RBM19: variants seen among roughly 807,000 people sequenced by gnomAD.
RBM19 encodes RNA binding motif protein 19, also known as probable RNA-binding protein 19.
In RBM19, 94 loss-of-function variants were observed where a neutral mutation model predicts 116.8. The ratio of observed to expected loss-of-function variants is 0.80; its 90% CI spans 0.68 to 0.95. The LOEUF is 0.95. Among genes scored for constraint, RBM19 ranks in the 40% least tolerant of loss-of-function variants. The pLI is 0.00. For synonymous variants in RBM19, 475 were observed against 494.1 expected (o/e 0.96, Z 0.51); for missense variants, 1,161 against 1,220.7 (o/e 0.95, Z 0.73).
At chr12:113,832,659 T>C (rs1394057068) in intron 23 of RBM19, among the ~76,000 whole-genome samples, 1 of 152,074 alleles carries the variant, frequency 6.6e-6, no homozygotes, top group Non-Finnish European at 1.5e-5. Context: ...GCTGCTACAG[T>C]CAAGTCTTCA....
chr12:113,833,742 T>G (rs1017796947), intron 23 of RBM19, among the ~76,000 whole-genome samples: 1 of 152,196 alleles, frequency 6.6e-6, no homozygotes, highest in African/African-American at 2.4e-5. Context: ...TATCCTTTCT[T>G]TTCTTTTCGT....
At chr12:113,935,223 G>T (rs1010149918) in intron 16 of RBM19, among the ~76,000 whole-genome samples, 3 of 152,084 alleles carry the variant, frequency 2.0e-5, no homozygotes, top group African/African-American at 7.2e-5. Context: ...CCAAGGCTGC[G>T]GGAAGAGGCC....
chr12:113,875,626 A>G (rs1463711612), intron 21 of RBM19, among the ~76,000 whole-genome samples: 1 of 152,234 alleles, frequency 6.6e-6, no homozygotes, highest in African/African-American at 2.4e-5. Context: ...TAAGAAACCC[A>G]GTTAGGACCA....
intron 16 of RBM19, 70 bp downstream of exon 16, chr12:113,936,937 G>GC: frequency 6.4e-7 from 1 of 1,551,786 alleles, no homozygotes; most frequent in Non-Finnish European, 8.7e-7. Flanking sequence ...GAAACTTCAC[G>GC]CTGCCCCCAA....
chr12:113,908,363 T>C (rs1937163456), intron 21 of RBM19, among the ~76,000 whole-genome samples: 1 of 151,840 alleles, frequency 6.6e-6, no homozygotes, highest in African/African-American at 2.4e-5. Context: ...CAAGCTGTCC[T>C]CGGCCCTCCT....
intron 23 of RBM19, among the ~76,000 whole-genome samples, chr12:113,833,363 T>C (rs1241264147): frequency 6.6e-6 from 1 of 151,094 alleles, no homozygotes; most frequent in Non-Finnish European, 1.5e-5. Flanking sequence ...ATGGGACCTC[T>C]GCCCTCCATT....
intron 23 of RBM19, among the ~76,000 whole-genome samples, chr12:113,835,182 T>A (rs1484292208): frequency 6.6e-6 from 1 of 152,282 alleles, no homozygotes; most frequent in East Asian, 1.9e-4. Flanking sequence ...ACTGTGAAGA[T>A]GAACTGAGTT....
At chr12:113,823,435 G>A in intron 23 of RBM19, 114 bp from the exon 24 acceptor site, 5 of 823,420 alleles carry the variant, frequency 6.1e-6, no homozygotes, top group Non-Finnish European at 9.8e-6. Flanking sequence ...CAGAACAAGG[G>A]TGCGGGGAGA....
intron 16 of RBM19, among the ~76,000 whole-genome samples, chr12:113,931,518 T>C (rs1869597845): frequency 6.6e-6 from 1 of 152,122 alleles, no homozygotes; most frequent in South Asian, 2.1e-4. Context: ...ATGGCTCTGT[T>C]ACCCCTCACC....
At chr12:113,873,640 A>G (rs951541501) in intron 21 of RBM19, among the ~76,000 whole-genome samples, 7 of 134,480 alleles carry the variant, frequency 5.2e-5, no homozygotes, top group Admixed American at 2.2e-4. Flanking sequence ...GACCCTGCCA[A>G]ATCCCCCTCT....
At position 113,825,872 on chromosome 12, in the gene RBM19, T is replaced by G. The variant is rs1874814251; in HGVS notation, c.2786-2551A>C. On this transcript the variant is annotated intron_variant, in intron 23 of 23. Transcript: ENST00000261741. This position sits in a 1 kb window ranked among gnomAD's most constrained non-coding sequence, Gnocchi z 5.7. ...GTCTCAAACGGCAGCCAGAGGGAGCTTGTTAAATCCTCCATCACGGCATGC... is the reference window on the plus strand; with the variant it reads ...GTCTCAAACGGCAGCCAGAGGGAGCGTGTTAAATCCTCCATCACGGCATGC... Among the ~76,000 whole-genome samples, 1 of 152,172 alleles carries G rather than the reference T, an allele frequency of 6.6e-6. No individual in the cohort carries two copies. Among genetic ancestry groups the G allele is most frequent in the Admixed American group, 6.5e-5 (1 of 15,282 alleles).
At position 113,915,012 on chromosome 12, in the gene RBM19, T is replaced by G. The variant is rs1165723851; in HGVS notation, c.2515A>C (p.Ile839Leu). Reference protein sequence around the residue: ...QTTSKILVRNIPFQAHSREIR... With the variant: ...QTTSKILVRNLPFQAHSREIR... Reference sequence around the variant, plus strand: ...TCCCGGCTGTGGGCCTGGAAGGGGATGTTCCGCACCAGGATCTTGGAGGTG... The same window carrying G: ...TCCCGGCTGTGGGCCTGGAAGGGGAGGTTCCGCACCAGGATCTTGGAGGTG... Residue 839 changes from isoleucine (I) to leucine (L), a missense_variant, in exon 21 of 24, where the codon ATC becomes CTC. Physicochemically the swap from Ile to Leu is conservative, Grantham distance 5. Coordinates refer to ENST00000261741, the MANE Select transcript of RBM19 (RefSeq NM_016196.4). 6.8e-6 allele frequency: 11 copies of G among 1,614,078 alleles called. No homozygotes were observed. Among genetic ancestry groups the G allele is most frequent in the Admixed American group, 1.7e-5 (1 of 60,006 alleles).
At chr12:113,921,179 G>A (rs146726537) in intron 18 of RBM19, among the ~76,000 whole-genome samples, 8 of 152,324 alleles carry the variant, frequency 5.3e-5, no homozygotes, top group East Asian at 1.9e-4. Flanking sequence ...TCATGTGGGC[G>A]ACTGCATTAT....
intron 22 of RBM19, 108 bp from the exon 23 acceptor site, chr12:113,844,896 T>C: frequency 7.0e-7 from 1 of 1,434,350 alleles, no homozygotes; most frequent in Non-Finnish European, 9.3e-7. Context: ...AAGCCCAGGT[T>C]CTGGCCCCGT....
rs138605394 is a variant in RBM19, at chr12:113,825,612, A to G, written c.2786-2291T>C. On this transcript the variant is annotated intron_variant, in intron 23 of 23. Coordinates refer to ENST00000261741, the MANE Select transcript of RBM19 (RefSeq NM_016196.4). This position sits in a 1 kb window ranked among gnomAD's most constrained non-coding sequence, Gnocchi z 5.7. Reference sequence around the variant, plus strand: ...GGCAGGGTCCCTGCCTTCCTGGGCCAGGCCTGGCCTGGGGTCTAAGGGATG... The same window carrying G: ...GGCAGGGTCCCTGCCTTCCTGGGCCGGGCCTGGCCTGGGGTCTAAGGGATG... 0.012 allele frequency among the ~76,000 whole-genome samples: 1,889 copies of G among 152,276 alleles called. 27 individuals carry two copies. The highest frequency in any genetic ancestry group is 0.014 in the Non-Finnish European group (978 of 68,004).
intron 23 of RBM19, among the ~76,000 whole-genome samples, chr12:113,836,501 G>A (rs766046168): frequency 6.6e-5 from 10 of 152,118 alleles, no homozygotes; most frequent in Non-Finnish European, 1.0e-4. Context: ...GCTTGGTGGG[G>A]AGGGGCTGGG....
In RBM19 at chr12:113,832,589, C is replaced by T. The variant is rs933075689; in HGVS notation, c.2786-9268G>A. Among the ~76,000 whole-genome samples, 14 of 152,194 alleles carry T rather than the reference C, an allele frequency of 9.2e-5. 1 individual carries two copies. The highest frequency in any genetic ancestry group is 2.9e-4 in the African/African-American group (12 of 41,442). On this transcript the variant is annotated intron_variant, in intron 23 of 23. Transcript: ENST00000261741. ...CCTGTCAGGACCCGCTATGGCAATC[C>T]GGGACAGTTTCCCTCTTTGCCCGCC...
chr12:113,912,663 C>T (rs1221090695), intron 21 of RBM19, among the ~76,000 whole-genome samples: 2 of 152,244 alleles, frequency 1.3e-5, no homozygotes, highest in Admixed American at 6.5e-5. Context: ...CATTCAAGCT[C>T]AGAGCCCCGC....
At chr12:113,842,022 A>G (rs1004009388) in intron 23 of RBM19, among the ~76,000 whole-genome samples, 5 of 152,202 alleles carry the variant, frequency 3.3e-5, no homozygotes, top group African/African-American at 1.2e-4. Context: ...TGTCCATCTC[A>G]TAGAGCTGCT....
Sources: allele counts gnomAD v4.1 joint callset (sites outside exome capture counted in the v4.1 genomes callset), GRCh38; gene constraint gnomAD v4.1.1; non-coding constraint Gnocchi (gnomAD v3.1); transcripts MANE v1.5; gene names NCBI Gene and HGNC (gene_info 2026-07-23, HGNC 2026-07-21).